The following IMPG1 variants were observed in gnomAD, a reference collection of about 807,000 sequenced individuals.
IMPG1 encodes interphotoreceptor matrix proteoglycan of 150 kDa.
Under a neutral mutation model 92.0 loss-of-function variants are expected in IMPG1, and 85 were observed. That is an observed-to-expected ratio of 0.92 (90% CI 0.78 to 1.11). The LOEUF is 1.11. IMPG1 is among the 50% of genes least tolerant of loss of function. The pLI, the probability that IMPG1 is intolerant of heterozygous loss-of-function variation, is 0.00. For synonymous variants in IMPG1, 367 were observed against 334.1 expected (o/e 1.10, Z -1.08); for missense variants, 1,022 against 956.0 (o/e 1.07, Z -0.91).
rs368011854 is a variant in IMPG1, at chr6:75,982,464, C to T, written c.1291+20454G>A. On this transcript the variant is annotated intron_variant, in intron 12 of 16. Coordinates refer to ENST00000369950, the MANE Select transcript of IMPG1 (RefSeq NM_001563.4). ...GCTGAGGTAGGAGAATTGCTTGACC[C>T]GGGAGGCGGAGGTTGCAGTGAGCTG... Among the ~76,000 whole-genome samples, 41 of 151,438 alleles carry T rather than the reference C, an allele frequency of 2.7e-4. 1 individual carries two copies. The East Asian group carries it at 6.6e-3, about 24-fold the overall frequency.
intron 7 of IMPG1, among the ~76,000 whole-genome samples, chr6:76,017,264 T>A (rs1783307380): frequency 6.6e-6 from 1 of 151,724 alleles, no homozygotes; most frequent in Admixed American, 6.6e-5. Context: ...GTAGCTGGAT[T>A]TATCCTGCAG....
At chr6:76,032,607 T>G (rs1214964107) in intron 4 of IMPG1, among the ~76,000 whole-genome samples, 1 of 152,236 alleles carries the variant, frequency 6.6e-6, no homozygotes, top group East Asian at 1.9e-4. Flanking sequence ...AGCAAGAGAC[T>G]GTTCAATAAA....
At chr6:75,998,102 C>T (rs147598123) in intron 12 of IMPG1, among the ~76,000 whole-genome samples, 1 of 152,238 alleles carries the variant, frequency 6.6e-6, no homozygotes, top group East Asian at 1.9e-4. Flanking sequence ...CAAATTTTGG[C>T]AATGGTGAGT....
chr6:76,007,621 T>G (rs886640696), intron 8 of IMPG1, 121 bp from the exon 9 acceptor site: 8 of 658,560 alleles, frequency 1.2e-5, no homozygotes, highest in Non-Finnish European at 2.0e-5. Context: ...CCATTGTCTC[T>G]TTTGTTTGTT....
At chr6:76,011,390 A>G (rs1783182079) in intron 7 of IMPG1, among the ~76,000 whole-genome samples, 166 bp from the exon 8 acceptor site, 1 of 152,138 alleles carries the variant, frequency 6.6e-6, no homozygotes, top group Admixed American at 6.5e-5. Context: ...ATGAAAAAGA[A>G]AAATTGAAAC....
At chr6:76,030,251 C>A (rs549385571) in intron 4 of IMPG1, among the ~76,000 whole-genome samples, 2 of 152,040 alleles carry the variant, frequency 1.3e-5, no homozygotes, top group African/African-American at 4.8e-5. Flanking sequence ...CTTTGGCACT[C>A]ATGGTGGGAC....
At position 75,994,411 on chromosome 6, in the gene IMPG1, C is replaced by T. The variant is rs374214434; in HGVS notation, c.1291+8507G>A. On this transcript the variant is annotated intron_variant, in intron 12 of 16. Transcript: ENST00000369950. ...AACCTCTGCTTTTTTCTGTAAAATA[C>T]TGGATAGTTCAATGAAAAGTACTGC... Among the ~76,000 whole-genome samples, 34 of 152,244 alleles carry T rather than the reference C, an allele frequency of 2.2e-4. No individual in the cohort carries two copies. The East Asian group carries it at 6.2e-3, about 28-fold the overall frequency.
At chr6:75,934,520 C>G (rs1444267841) in intron 14 of IMPG1, among the ~76,000 whole-genome samples, 1 of 152,152 alleles carries the variant, frequency 6.6e-6, no homozygotes, top group South Asian at 2.1e-4. Flanking sequence ...GATCAAAAAG[C>G]ATTTAAATGA....
chr6:76,025,057 A>G lies in IMPG1; in HGVS notation c.562+137T>C, dbSNP rs765345327. On this transcript the variant is annotated intron_variant, in intron 5 of 16. Transcript: ENST00000369950. Reference sequence around the variant, plus strand: ...ATGCAATAAATTTAAATTATGTTATAAAGTTAGAAATATAAGCTAGTTTTG... The same window carrying G: ...ATGCAATAAATTTAAATTATGTTATGAAGTTAGAAATATAAGCTAGTTTTG... 1.8e-5 allele frequency: 12 copies of G among 659,436 alleles called. 1 individual carries two copies. The South Asian group carries it at 2.0e-4, about 11-fold the overall frequency. 40.8% of individuals were successfully genotyped at this position (659,436 alleles called of 1,614,324 possible).
intron 15 of IMPG1, among the ~76,000 whole-genome samples, chr6:75,927,253 T>TATC (rs1045352038): frequency 1.3e-5 from 2 of 152,084 alleles, no homozygotes; most frequent in Admixed American, 1.3e-4. Context: ...TCCCATTAGA[T>TATC]AGATGAGAAA....
intron 1 of IMPG1, among the ~76,000 whole-genome samples, chr6:76,070,477 AG>A (rs1324892989): frequency 7.2e-5 from 11 of 152,188 alleles, no homozygotes; most frequent in Non-Finnish European, 1.5e-4. Flanking sequence ...ATCTACCCAA[AG>A]GAAAATAAAT....
chr6:76,010,153 A>G (rs889050544), intron 8 of IMPG1, among the ~76,000 whole-genome samples: 2 of 152,252 alleles, frequency 1.3e-5, no homozygotes, highest in African/African-American at 2.4e-5. Flanking sequence ...GAAATAAACC[A>G]TGAGAGCTCC....
intron 12 of IMPG1, among the ~76,000 whole-genome samples, chr6:75,981,870 G>T (rs540848326): frequency 6.6e-6 from 1 of 152,332 alleles, no homozygotes; most frequent in African/African-American, 2.4e-5. Context: ...CACTTTAGTA[G>T]TTCCAGAAGG....
At chr6:75,922,187 A>G in intron 16 of IMPG1, 21 bp from the exon 17 acceptor site, 2 of 1,071,470 alleles carry the variant, frequency 1.9e-6, no homozygotes, top group Non-Finnish European at 2.8e-6. Flanking sequence ...AATAGTTTTA[A>G]GAACTTAAGA....
intron 4 of IMPG1, among the ~76,000 whole-genome samples, chr6:76,028,951 T>G (rs1428278821): frequency 1.3e-5 from 2 of 152,268 alleles, no homozygotes; most frequent in Non-Finnish European, 2.9e-5. Context: ...ATATAGTTGT[T>G]TGCATCAGTG....
At chr6:75,987,723 C>A (rs577950632) in intron 12 of IMPG1, among the ~76,000 whole-genome samples, 64 of 151,646 alleles carry the variant, frequency 4.2e-4, no homozygotes, top group Non-Finnish European at 6.9e-4. Context: ...CCGCTCACTG[C>A]AAACTCCGCC....
chr6:75,945,837 G>A (rs1026093059), intron 14 of IMPG1, among the ~76,000 whole-genome samples: 5 of 152,142 alleles, frequency 3.3e-5, no homozygotes, highest in Non-Finnish European at 7.3e-5. Context: ...CACTACTTAA[G>A]TGGCATCTAC....
intron 12 of IMPG1, among the ~76,000 whole-genome samples, chr6:75,984,480 T>C (rs900868612): frequency 2.6e-5 from 4 of 152,202 alleles, no homozygotes; most frequent in African/African-American, 9.7e-5. Flanking sequence ...ACAAATACCA[T>C]ATGATCTGAC....
intron 12 of IMPG1, among the ~76,000 whole-genome samples, chr6:75,967,164 G>A (rs772093200): frequency 1.3e-5 from 2 of 151,844 alleles, no homozygotes; most frequent in African/African-American, 4.8e-5. Flanking sequence ...GGTGACAAGA[G>A]CAAGACTTCT....
Sources: allele counts gnomAD v4.1 joint callset (sites outside exome capture counted in the v4.1 genomes callset), GRCh38; gene constraint gnomAD v4.1.1; transcripts MANE v1.5; gene names NCBI Gene and HGNC (gene_info 2026-07-23, HGNC 2026-07-21).